The following SH3GL2 variants were observed in gnomAD, a reference collection of about 807,000 sequenced individuals.
The protein encoded by SH3GL2 is endophilin-A1.
In SH3GL2, 24 loss-of-function variants were observed where a neutral mutation model predicts 46.0. That is an observed-to-expected ratio of 0.52 (90% CI 0.38 to 0.73). SH3GL2 has a LOEUF of 0.73. SH3GL2 is among the 30% of genes least tolerant of loss of function. The probability of loss-of-function intolerance (pLI) is 0.00; values close to 1 mark genes in which losing one functional copy is unlikely to be tolerated. For missense variants in SH3GL2, 413 were observed against 424.2 expected, an observed-to-expected ratio of 0.97 and a Z score of 0.23; for synonymous variants, 196 against 147.1, an observed-to-expected ratio of 1.33 and a Z score of -2.40.
At chr9:17,795,405 G>A in intron 8 of SH3GL2, 139 bp from the exon 9 acceptor site, 1 of 648,604 alleles carries the variant, frequency 1.5e-6, no homozygotes, top group East Asian at 2.7e-5. Context: ...GTAGCAAGAA[G>A]AAGCTTCAAC....
chr9:17,683,014 C>G (rs1051208017), intron 1 of SH3GL2, among the ~76,000 whole-genome samples: 2 of 152,122 alleles, frequency 1.3e-5, no homozygotes, highest in East Asian at 1.9e-4. Flanking sequence ...TTTTCTTGGT[C>G]TCATCAGAGA....
chr9:17,783,744 A>AT (rs1823877700), intron 3 of SH3GL2, among the ~76,000 whole-genome samples: 1 of 152,124 alleles, frequency 6.6e-6, no homozygotes, highest in African/African-American at 2.4e-5. Flanking sequence ...TGCTGTTTTA[A>AT]TTCACCCAAT....
rs1824290768 is a variant in SH3GL2, at chr9:17,797,124, A to G, written c.*1381A>G. On this transcript the variant is annotated 3_prime_UTR_variant, in exon 9 of 9. Transcript: ENST00000380607. ...TCCAATAAATATTGCTGAAGACAGAACCAAAGGCTCTGCTCCTTCATTTTG... is the reference window on the plus strand; with the variant it reads ...TCCAATAAATATTGCTGAAGACAGAGCCAAAGGCTCTGCTCCTTCATTTTG... 1 of 152,572 alleles carries G rather than the reference A, an allele frequency of 6.6e-6. No individual in the cohort carries two copies. The highest frequency in any genetic ancestry group is 1.5e-5 in the Non-Finnish European group (1 of 68,044). The allele number at this position is 152,572 out of a possible 1,614,324, so 9.5% of individuals were successfully genotyped here. A position where few individuals can be genotyped will look rare whatever the true frequency, so the allele number is the denominator to read the frequency against.
intron 1 of SH3GL2, among the ~76,000 whole-genome samples, chr9:17,675,577 G>A (rs1215280277): frequency 6.6e-6 from 1 of 152,170 alleles, no homozygotes; most frequent in Admixed American, 6.5e-5. Flanking sequence ...GGAGGGGAGA[G>A]TAAAAAAGGT....
intron 1 of SH3GL2, among the ~76,000 whole-genome samples, chr9:17,652,573 A>G (rs992076608): frequency 2.6e-5 from 4 of 152,082 alleles, no homozygotes; most frequent in Admixed American, 6.6e-5. Context: ...TTTCTCTGCC[A>G]TTTCTGAGAT....
At chr9:17,756,535 C>T (rs1045513713) in intron 2 of SH3GL2, among the ~76,000 whole-genome samples, 4 of 137,340 alleles carry the variant, frequency 2.9e-5, no homozygotes, top group South Asian at 2.3e-4. Context: ...TCCAAGTGTT[C>T]TCATTGTTCA....
intron 1 of SH3GL2, among the ~76,000 whole-genome samples, chr9:17,697,732 G>T (rs970209220): frequency 6.6e-6 from 1 of 152,094 alleles, no homozygotes; most frequent in African/African-American, 2.4e-5. Flanking sequence ...TCCTAACCTT[G>T]GAATGCACCA....
intron 1 of SH3GL2, among the ~76,000 whole-genome samples, chr9:17,651,710 A>G (rs954757911): frequency 1.6e-4 from 24 of 152,172 alleles, no homozygotes; most frequent in African/African-American, 5.5e-4. Context: ...AAAGAATTCT[A>G]GGATGACATT....
intron 1 of SH3GL2, among the ~76,000 whole-genome samples, chr9:17,605,062 T>C (rs925176380): frequency 5.3e-5 from 8 of 151,538 alleles, no homozygotes; most frequent in Non-Finnish European, 1.0e-4. Flanking sequence ...AACCTCAACT[T>C]CCTGGGCTCA....
At chr9:17,777,887 T>G (rs1285853905) in intron 3 of SH3GL2, among the ~76,000 whole-genome samples, 1 of 152,080 alleles carries the variant, frequency 6.6e-6, no homozygotes, top group African/African-American at 2.4e-5. Flanking sequence ...TTTACATTCA[T>G]CACTTACCAA....
rs530343110 is a variant in SH3GL2, at chr9:17,731,543, G to A, written c.46-15523G>A. Among the ~76,000 whole-genome samples the A allele has an allele frequency of 3.9e-5, 6 of 152,140 alleles. No individual in the cohort carries two copies. In the South Asian group the frequency reaches 6.2e-4, roughly 16 times the overall value. On this transcript the variant is annotated intron_variant, in intron 1 of 8. Transcript: ENST00000380607. ...GACACAGTGAGAAGGCAAAGGCAGCGTCATGCAAGCCAGGAATTGAGCGTT... is the reference window on the plus strand; with the variant it reads ...GACACAGTGAGAAGGCAAAGGCAGCATCATGCAAGCCAGGAATTGAGCGTT...
chr9:17,785,519 G>T (rs1215709969), intron 3 of SH3GL2, among the ~76,000 whole-genome samples: 1 of 152,138 alleles, frequency 6.6e-6, no homozygotes, highest in Admixed American at 6.5e-5. Flanking sequence ...GATTCTATCT[G>T]GGGTTTCCAT....
rs113561887 is a variant in SH3GL2 at position 17,683,739 on chromosome 9, C to G, written c.46-63327C>G. ...GGAGTGGGGAGAACATGGAGAAAGA[C>G]CTCCCTAAGGTACAGGCACAAAGGG... On this transcript the variant is annotated intron_variant, in intron 1 of 8. Transcript: ENST00000380607. Among the ~76,000 whole-genome samples, 455 of 152,128 alleles carry G rather than the reference C, an allele frequency of 3.0e-3. 6 individuals are homozygous for G. Among genetic ancestry groups the G allele is most frequent in the African/African-American group, 9.8e-3 (408 of 41,526 alleles).
chr9:17,780,094 T>C (rs1308801721), intron 3 of SH3GL2, among the ~76,000 whole-genome samples: 2 of 152,172 alleles, frequency 1.3e-5, no homozygotes, highest in African/African-American at 4.8e-5. Context: ...AATTTGTTAT[T>C]GATCTGTAAC....
At chr9:17,632,610 A>T (rs1013056499) in intron 1 of SH3GL2, among the ~76,000 whole-genome samples, 1 of 152,190 alleles carries the variant, frequency 6.6e-6, no homozygotes, top group Non-Finnish European at 1.5e-5. Flanking sequence ...TACATCCTTT[A>T]ATTAAATTTG....
chr9:17,778,829 A>T (rs1823719503), intron 3 of SH3GL2, among the ~76,000 whole-genome samples: 1 of 152,166 alleles, frequency 6.6e-6, no homozygotes, highest in Non-Finnish European at 1.5e-5. Context: ...ATCAAAGATA[A>T]CTATGAAGTC....
rs1379036901 is a variant in SH3GL2 at position 17,579,129 on chromosome 9, C to T, written c.-114C>T. On this transcript the variant is annotated 5_prime_UTR_variant, in exon 1 of 9. Coordinates refer to ENST00000380607, the MANE Select transcript of SH3GL2 (RefSeq NM_003026.5). ...GCTCCGCGCCCTCGCGCCCATAGCC[C>T]CGGCGGCGGCACGACCAGAGGCGGC... 1 of 639,318 alleles carries T rather than the reference C, an allele frequency of 1.6e-6. No individual in the cohort carries two copies. The highest frequency in any genetic ancestry group is 2.0e-5 in the African/African-American group (1 of 50,948). The allele number at this position is 639,318 out of a possible 1,614,324, so 39.6% of individuals were successfully genotyped here.
At chr9:17,653,105 A>G (rs902221928) in intron 1 of SH3GL2, among the ~76,000 whole-genome samples, 1 of 152,162 alleles carries the variant, frequency 6.6e-6, no homozygotes, top group Non-Finnish European at 1.5e-5. Context: ...TCCAATCTGA[A>G]AAGTCTTTCT....
chr9:17,782,642 A>G (rs1456501632), intron 3 of SH3GL2, among the ~76,000 whole-genome samples: 2 of 152,164 alleles, frequency 1.3e-5, no homozygotes, highest in Admixed American at 1.3e-4. Context: ...GAGTGGTGTG[A>G]TCAGATTGTA....
Sources: allele counts gnomAD v4.1 joint callset (sites outside exome capture counted in the v4.1 genomes callset), GRCh38; gene constraint gnomAD v4.1.1; transcripts MANE v1.5; gene names NCBI Gene and HGNC (gene_info 2026-07-23, HGNC 2026-07-21).